Variants in CARMIL1 observed in about 807,000 individuals in gnomAD.
CARMIL1 encodes the protein capping protein regulator and myosin 1 linker 1, also known as F-actin-uncapping protein LRRC16A.
In CARMIL1, 90 loss-of-function variants were observed where a neutral mutation model predicts 177.1. The observed-to-expected ratio is 0.51, with a 90% confidence interval of 0.43 to 0.61. CARMIL1 has a LOEUF of 0.61. Among genes scored for constraint, CARMIL1 ranks in the 20% least tolerant of loss-of-function variants. CARMIL1 has a pLI of 0.00. For synonymous variants in CARMIL1, 577 were observed against 606.2 expected (o/e 0.95, Z 0.71); for missense variants, 1,380 against 1,667.0 (o/e 0.83, Z 3.00).
At chr6:25,541,524 C>G (rs1203248737) in intron 26 of CARMIL1, among the ~76,000 whole-genome samples, 1 of 152,118 alleles carries the variant, frequency 6.6e-6, no homozygotes, top group African/African-American at 2.4e-5. Flanking sequence ...TAGTATTATA[C>G]TTTCATATGG....
At chr6:25,334,380 T>G (rs2206198) in intron 2 of CARMIL1, among the ~76,000 whole-genome samples, 92,892 of 152,132 alleles carry the variant, frequency 0.61, 29,273 homozygotes, top group Non-Finnish European at 0.71. Context: ...TCTCTCTTCT[T>G]ATGCCTTGGT....
chr6:25,472,544 A>C (rs376735189), intron 11 of CARMIL1, 23 bp downstream of exon 11: 18 of 1,510,774 alleles, frequency 1.2e-5, no homozygotes, highest in Non-Finnish European at 1.6e-5. Context: ...TCTCATTATC[A>C]TTGATGCCAG....
At position 25,435,603 on chromosome 6, in the gene CARMIL1, G is replaced by A. The variant is rs759218674; in HGVS notation, c.370G>A (p.Val124Met). 2 of 1,576,844 alleles carry A rather than the reference G, an allele frequency of 1.3e-6. No homozygotes were observed. Among genetic ancestry groups the A allele is most frequent in the South Asian group, 1.2e-5 (1 of 85,238 alleles). The change falls in exon 5 of 37, where the codon GTG becomes ATG. Residue 124 changes from valine (V) to methionine (M), a missense_variant and splice_region_variant. Physicochemically the swap from Val to Met is conservative, Grantham distance 21. Transcript: ENST00000329474. ...LRKIFPGLSP[V>M]RIMKKVSMEP... ...GAAGATATTTCCTGGCCTCTCTCCA[G>A]TGTGAGTTTCCCTGGGCAGGGTGAG...
At position 25,305,929 on chromosome 6, in the gene CARMIL1, G is replaced by T. The variant is rs965470965; in HGVS notation, c.138+21020G>T. On this transcript the variant is annotated intron_variant, in intron 2 of 36. Coordinates refer to ENST00000329474, the MANE Select transcript of CARMIL1 (RefSeq NM_017640.6). ...TCCTTTTTTTCATTTTAAAATAATT[G>T]CCATTAAGTATACATAACATAAAAT... is the stretch of plus-strand genomic sequence containing the variant. 3.9e-5 allele frequency among the ~76,000 whole-genome samples: 6 copies of T among 151,908 alleles called. No individual in the cohort carries two copies. In the South Asian group the frequency reaches 1.2e-3, roughly 32 times the overall value.
At chr6:25,471,435 G>A (rs973265361) in intron 10 of CARMIL1, among the ~76,000 whole-genome samples, 178 bp downstream of exon 10, 3 of 151,678 alleles carry the variant, frequency 2.0e-5, no homozygotes, top group African/African-American at 7.3e-5. Flanking sequence ...TAAGAATTTG[G>A]TAACATCTCT....
intron 35 of CARMIL1, among the ~76,000 whole-genome samples, chr6:25,607,562 G>A (rs1158121064): frequency 6.6e-6 from 1 of 152,140 alleles, no homozygotes; most frequent in Non-Finnish European, 1.5e-5. Flanking sequence ...TCCACCAACT[G>A]TCGTGGTAAC....
intron 26 of CARMIL1, among the ~76,000 whole-genome samples, chr6:25,549,067 T>A (rs1809802639): frequency 6.6e-6 from 1 of 152,196 alleles, no homozygotes; most frequent in South Asian, 2.1e-4. Context: ...CTAAAATTCG[T>A]TTTTATAGGG....
intron 2 of CARMIL1, among the ~76,000 whole-genome samples, chr6:25,373,707 C>T (rs375985289): frequency 3.0e-4 from 46 of 151,926 alleles, no homozygotes; most frequent in African/African-American, 8.7e-4. Flanking sequence ...CTCAGCCTTC[C>T]GAGTAGCTGG....
chr6:25,501,883 T>G, intron 17 of CARMIL1, among the ~76,000 whole-genome samples: 1 of 151,786 alleles, frequency 6.6e-6, no homozygotes, highest in Non-Finnish European at 1.5e-5. Context: ...AAATTGTTAG[T>G]GTAGTATTTT....
intron 2 of CARMIL1, among the ~76,000 whole-genome samples, chr6:25,319,659 A>T (rs1007401615): frequency 6.6e-6 from 1 of 152,168 alleles, no homozygotes; most frequent in African/African-American, 2.4e-5. Flanking sequence ...TTACATTTTC[A>T]AAGGAGTAGA....
chr6:25,609,927 A>G, intron 35 of CARMIL1, 123 bp from the exon 36 acceptor site: 3 of 1,188,268 alleles, frequency 2.5e-6, no homozygotes, highest in Non-Finnish European at 3.4e-6. Context: ...ATTTTTGGCC[A>G]GAAAAATTCT....
intron 2 of CARMIL1, among the ~76,000 whole-genome samples, chr6:25,392,606 A>G (rs1792979512): frequency 6.6e-6 from 1 of 152,192 alleles, no homozygotes; most frequent in South Asian, 2.1e-4. Context: ...GGGATGGCTC[A>G]GATCTGTGTA....
chr6:25,406,011 T>C (rs530599594), intron 2 of CARMIL1, among the ~76,000 whole-genome samples: 1 of 152,342 alleles, frequency 6.6e-6, no homozygotes, highest in Admixed American at 6.5e-5. Flanking sequence ...ACACCTATTT[T>C]GTGCCAGGAA....
At chr6:25,300,234 A>G (rs1201618718) in intron 2 of CARMIL1, among the ~76,000 whole-genome samples, 1 of 152,244 alleles carries the variant, frequency 6.6e-6, no homozygotes, top group Non-Finnish European at 1.5e-5. Context: ...AGATAACCAA[A>G]TCTGTATGTA....
At chr6:25,616,051 A>C (rs1407081644) in intron 36 of CARMIL1, among the ~76,000 whole-genome samples, 1 of 152,228 alleles carries the variant, frequency 6.6e-6, no homozygotes, top group Admixed American at 6.5e-5. Flanking sequence ...CTGTTCATTT[A>C]CTTATCTTCT....
rs929105629 is a variant in CARMIL1 at position 25,279,552 on chromosome 6, G to C, written c.-244G>C. On this transcript the variant is annotated 5_prime_UTR_variant, in exon 1 of 37. Transcript: ENST00000329474. ...CCGGTCCGCTCCTTATTCAGCCGCC[G>C]GGAACTGCGAGGAGGCGTCATGTAG... 4.7e-5 allele frequency: 27 copies of C among 573,116 alleles called. No homozygotes were observed. The highest frequency in any genetic ancestry group is 4.7e-4 in the African/African-American group (25 of 53,184). 35.5% of individuals were successfully genotyped at this position (573,116 alleles called of 1,614,324 possible).
chr6:25,545,092 G>A (rs746559850), intron 26 of CARMIL1, among the ~76,000 whole-genome samples: 4 of 152,140 alleles, frequency 2.6e-5, no homozygotes, highest in Non-Finnish European at 5.9e-5. Context: ...AGTTCTATTG[G>A]ACTGTGTTGC....
At position 25,539,924 on chromosome 6, in the gene CARMIL1, G is replaced by T. The variant is rs1808720064; in HGVS notation, c.2197-23G>T. On this transcript the variant is annotated intron_variant, in intron 25 of 36. Coordinates refer to ENST00000329474, the MANE Select transcript of CARMIL1 (RefSeq NM_017640.6). Reference sequence around the variant, plus strand: ...GAAATATTTACCCAATTCTAAAGAGGTTATTTTTTATTTCTCTTACAGTTG... The same window carrying T: ...GAAATATTTACCCAATTCTAAAGAGTTTATTTTTTATTTCTCTTACAGTTG... 3 of 1,530,558 alleles carry T rather than the reference G, an allele frequency of 2.0e-6. No individual in the cohort carries two copies. The Admixed American group carries it at 6.8e-5, about 35-fold the overall frequency. 94.8% of individuals were successfully genotyped at this position (1,530,558 alleles called of 1,614,324 possible).
At chr6:25,360,922 T>TGGCTG (rs1789131146) in intron 2 of CARMIL1, among the ~76,000 whole-genome samples, 1 of 152,220 alleles carries the variant, frequency 6.6e-6, no homozygotes, top group South Asian at 2.1e-4. Flanking sequence ...CTGGGAAACA[T>TGGCTG]GGCTGTCCCA....
Sources: allele counts gnomAD v4.1 joint callset (sites outside exome capture counted in the v4.1 genomes callset), GRCh38; gene constraint gnomAD v4.1.1; transcripts MANE v1.5; gene names NCBI Gene and HGNC (gene_info 2026-07-23, HGNC 2026-07-21).